Variants in ATP11B observed in about 807,000 individuals in gnomAD.
ATP11B encodes ATPase phospholipid transporting 11B (putative).
A neutral mutation model predicts 157.8 loss-of-function variants in ATP11B; 81 were observed. The observed-to-expected ratio is 0.51, with a 90% CI of 0.43 to 0.62. The LOEUF (loss-of-function observed/expected upper bound fraction) is 0.62, where lower values mean the gene tolerates loss of function less well. Among genes scored for constraint, ATP11B ranks in the 20% least tolerant of loss-of-function variants. The probability of loss-of-function intolerance (pLI) is 0.00; values close to 1 mark genes in which losing one functional copy is unlikely to be tolerated. For synonymous variants in ATP11B, 451 were observed against 469.4 expected, an observed-to-expected ratio of 0.96 and a Z score of 0.51; for missense variants, 1,165 against 1,402.2, an observed-to-expected ratio of 0.83 and a Z score of 2.70.
intron 20 of ATP11B, 133 bp from the exon 21 acceptor site, chr3:182,880,746 A>T (rs1722366582): frequency 2.2e-6 from 1 of 448,238 alleles, no homozygotes; most frequent in African/African-American, 2.0e-5. Flanking sequence ...ATGAACCTGC[A>T]TATTATTGTC....
intron 7 of ATP11B, among the ~76,000 whole-genome samples, chr3:182,841,605 G>C (rs1719025592): frequency 6.6e-6 from 1 of 152,120 alleles, no homozygotes; most frequent in African/African-American, 2.4e-5. Context: ...CTTAAGGACT[G>C]ATAAGTGTTT....
chr3:182,906,016 T>C (rs931834691), intron 28 of ATP11B: 3 of 352,542 alleles, frequency 8.5e-6, no homozygotes, highest in Admixed American at 6.6e-5. Context: ...TCCATTTCTT[T>C]ACTAATTCCT....
Position 182,870,254 on chromosome 3 carries a change from G to T in ATP11B, c.1866+923G>T, listed in dbSNP as rs1047876974. Among the ~76,000 whole-genome samples, 4 of 152,114 alleles carry T rather than the reference G, an allele frequency of 2.6e-5. No homozygotes were observed. In the East Asian group the frequency reaches 7.7e-4, roughly 29 times the overall value. On this transcript the variant is annotated intron_variant, in intron 17 of 29. Transcript: ENST00000323116. ...ATTTACAAAATTTAAAAATATAGGG[G>T]AATCTTGTTAAAACAAAGAGCCATC... is the stretch of plus-strand genomic sequence containing the variant.
Position 182,867,377 on chromosome 3 carries a change from A to AT in ATP11B, c.1623dup (p.Gly542TrpfsTer9). The AT allele has an allele frequency of 6.3e-7, 1 of 1,596,796 alleles. No homozygotes were observed. The highest frequency in any genetic ancestry group is 8.6e-7 in the Non-Finnish European group (1 of 1,164,700). On this transcript the variant is annotated frameshift_variant and splice_region_variant, in exon 15 of 30. Coordinates refer to ENST00000323116, the MANE Select transcript of ATP11B (RefSeq NM_014616.3). LOFTEE classifies it high-confidence loss of function. The stretch of plus-strand genomic sequence containing the variant: ...CTTTTTTATCCTTTTGATGTCTAGG[A>AT]TTGGTATTGTGTTTATTGGCAATTC...
chr3:182,867,468 ATG>A (rs773604927), intron 15 of ATP11B, 24 bp downstream of exon 15: 1 of 1,488,400 alleles, frequency 6.7e-7, no homozygotes, highest in East Asian at 2.3e-5. Flanking sequence ...ATATATTGGA[ATG>A]TTTTCTGTGT....
intron 10 of ATP11B, among the ~76,000 whole-genome samples, chr3:182,855,674 A>G (rs1720338906): frequency 1.3e-5 from 2 of 152,132 alleles, no homozygotes; most frequent in Non-Finnish European, 2.9e-5. Context: ...TCTCAAACTC[A>G]ATAGTAATTC....
Position 182,908,196 on chromosome 3 carries a change from C to CTTTTTTTTTTTTTTTTTTTT in ATP11B, c.3319-5659_3319-5640dup, listed in dbSNP as rs10716562. Reference sequence around the variant, plus strand: ...AATATAATTCTCATATTATTATTTTCTTTTTTTTTTTTTTTTTTTTTTTTT... The same window carrying CTTTTTTTTTTTTTTTTTTTT: ...AATATAATTCTCATATTATTATTTTCTTTTTTTTTTTTTTTTTTTTTTTTTTTTTTTTTTTTTTTTTTTTT... On this transcript the variant is annotated intron_variant, in intron 28 of 29. Transcript: ENST00000323116. Among the ~76,000 whole-genome samples, 2 of 70,744 alleles carry CTTTTTTTTTTTTTTTTTTTT rather than the reference C, an allele frequency of 2.8e-5. 1 individual carries two copies. Among genetic ancestry groups the CTTTTTTTTTTTTTTTTTTTT allele is most frequent in the African/African-American group, 1.1e-4 (2 of 17,414 alleles). 46.4% of individuals were successfully genotyped at this position (70,744 alleles called of 152,430 possible).
At chr3:182,795,877 G>A (rs373121594) in intron 1 of ATP11B, among the ~76,000 whole-genome samples, 110 of 152,268 alleles carry the variant, frequency 7.2e-4, no homozygotes, top group African/African-American at 2.5e-3. Context: ...GAATCACCAC[G>A]ACTTTCAGCA....
chr3:182,801,004 G>T (rs974494266), intron 1 of ATP11B, among the ~76,000 whole-genome samples: 3 of 151,876 alleles, frequency 2.0e-5, no homozygotes, highest in Non-Finnish European at 2.9e-5. Context: ...GTTTCGCCAT[G>T]TTGGCCAGGC....
chr3:182,898,876 C>A, intron 28 of ATP11B, 104 bp downstream of exon 28: 1 of 763,452 alleles, frequency 1.3e-6, no homozygotes, highest in East Asian at 3.2e-5. Flanking sequence ...GGAAATTAGC[C>A]ATTCCTGTTT....
At chr3:182,804,218 T>C (rs1716180137) in intron 1 of ATP11B, among the ~76,000 whole-genome samples, 1 of 152,088 alleles carries the variant, frequency 6.6e-6, no homozygotes, top group Admixed American at 6.5e-5. Flanking sequence ...AATCTACAAA[T>C]AACATAGGAA....
intron 2 of ATP11B, among the ~76,000 whole-genome samples, chr3:182,821,324 G>C (rs984555432): frequency 1.3e-5 from 2 of 152,022 alleles, no homozygotes. Flanking sequence ...GGCCAGGCTG[G>C]TCTTGAACTC....
chr3:182,800,552 A>G (rs1715933236), intron 1 of ATP11B, among the ~76,000 whole-genome samples: 1 of 151,994 alleles, frequency 6.6e-6, no homozygotes, highest in Non-Finnish European at 1.5e-5. Context: ...ATTTTTTTGC[A>G]TATATGGTTA....
intron 13 of ATP11B, 45 bp from the exon 14 acceptor site, chr3:182,866,223 G>A (rs1472022125): frequency 7.1e-6 from 10 of 1,415,258 alleles, no homozygotes; most frequent in Non-Finnish European, 9.5e-6. Context: ...TAAATGGTAT[G>A]TGGAAATGAT....
chr3:182,813,997 A>T (rs1716824033), intron 1 of ATP11B, among the ~76,000 whole-genome samples: 2 of 152,152 alleles, frequency 1.3e-5, no homozygotes. Flanking sequence ...AAGTGGTGGG[A>T]TTACATGTGT....
At chr3:182,896,383 G>C (rs1723550862) in intron 25 of ATP11B, among the ~76,000 whole-genome samples, 1 of 152,154 alleles carries the variant, frequency 6.6e-6, no homozygotes, top group African/African-American at 2.4e-5. Context: ...CATTTTTACT[G>C]TGCAACAGCA....
chr3:182,801,330 ATCAT>A lies in ATP11B; in HGVS notation c.27+7556_27+7559del, dbSNP rs1715998621. ...AATAGGATGATATGCATAGGTATCAATCATTCATTCATTCACGTACATTTTGGAA... is the reference window on the plus strand; with the variant it reads ...AATAGGATGATATGCATAGGTATCAATCATTCATTCACGTACATTTTGGAA... On this transcript the variant is annotated intron_variant, in intron 1 of 29. Transcript: ENST00000323116. Among the ~76,000 whole-genome samples, 3 of 152,230 alleles carry A rather than the reference ATCAT, an allele frequency of 2.0e-5. No homozygotes were observed. The South Asian group carries it at 6.2e-4, about 32-fold the overall frequency.
chr3:182,793,896 G>T, intron 1 of ATP11B, 110 bp downstream of exon 1: 1 of 612,730 alleles, frequency 1.6e-6, no homozygotes, highest in Non-Finnish European at 2.3e-6. Context: ...GGGCGTGGGC[G>T]CCCGGCTAGG....
chr3:182,826,677 A>G (rs981935143), intron 2 of ATP11B, among the ~76,000 whole-genome samples: 7 of 152,224 alleles, frequency 4.6e-5, no homozygotes, highest in African/African-American at 1.7e-4. Flanking sequence ...CATATTCCAG[A>G]TTCAAACTGA....
Sources: gnomAD v4.1 joint callset for allele counts (sites outside exome capture counted in the v4.1 genomes callset) on GRCh38, gnomAD v4.1.1 for gene constraint, MANE v1.5 for transcripts, NCBI Gene and HGNC (gene_info 2026-07-23, HGNC 2026-07-21) for gene names.